NFIC: variants seen among roughly 807,000 people sequenced by gnomAD.
The protein encoded by NFIC is nuclear factor 1 C-type.
Under a neutral mutation model 54.4 loss-of-function variants are expected in NFIC, and 12 were observed. That is an observed-to-expected ratio of 0.22 (90% CI 0.14 to 0.36). NFIC has a LOEUF of 0.36. Among genes scored for constraint, NFIC ranks in the 10% least tolerant of loss-of-function variants. The pLI, the probability that NFIC is intolerant of heterozygous loss-of-function variation, is 1.00. For synonymous variants in NFIC, 322 were observed against 319.2 expected, an observed-to-expected ratio of 1.01 and a Z score of -0.09; for missense variants, 575 against 718.2, an observed-to-expected ratio of 0.80 and a Z score of 2.28.
At chr19:3,404,914 G>C (rs999344284) in intron 2 of NFIC, among the ~76,000 whole-genome samples, 2 of 152,118 alleles carry the variant, frequency 1.3e-5, no homozygotes, top group Admixed American at 6.5e-5. Flanking sequence ...GCGGGCCCGA[G>C]ACCTGGGGGA....
chr19:3,416,281 T>C (rs997195024), intron 2 of NFIC, among the ~76,000 whole-genome samples: 3 of 149,728 alleles, frequency 2.0e-5, no homozygotes, highest in African/African-American at 7.3e-5. Context: ...TATATACCTA[T>C]ATATATTAAA....
Position 3,435,121 on chromosome 19 carries a change from T to C in NFIC, c.872T>C (p.Val291Ala). ...RHKSGSMEED[V>A]DTSPGGDYYT... is the part of the protein sequence containing the mutation. ...AAATCGGGCTCGATGGAGGAAGACG[T>C]GGACACGAGCCCTGGCGGCGATTAC... The change falls in exon 6 of 11, where the codon GTG becomes GCG. Residue 291 changes from valine to alanine, a missense_variant. Around this residue, in one of 3 missense-constraint regions of NFIC, gnomAD observed 447 missense variants for 526.9 expected, o/e 0.85. Transcript: ENST00000443272. The C allele has an allele frequency of 6.2e-7, 1 of 1,606,204 alleles. No individual in the cohort carries two copies. Among genetic ancestry groups the C allele is most frequent in the Non-Finnish European group, 8.5e-7 (1 of 1,176,776 alleles).
intron 6 of NFIC, among the ~76,000 whole-genome samples, chr19:3,442,762 C>T (rs1285901541): frequency 6.6e-6 from 1 of 151,942 alleles, no homozygotes; most frequent in East Asian, 1.9e-4. Flanking sequence ...TGGGTTCCAA[C>T]TCCACCTCCA....
At chr19:3,421,967 CTT>C (rs1001622961) in intron 2 of NFIC, among the ~76,000 whole-genome samples, 2 of 151,888 alleles carry the variant, frequency 1.3e-5, no homozygotes, top group African/African-American at 4.8e-5. Flanking sequence ...GAGTTTTGCT[CTT>C]GTTGCCCAGG....
rs994767782 is a variant in NFIC, at chr19:3,404,562, G to A, written c.563-20544G>A. On this transcript the variant is annotated intron_variant, in intron 2 of 10. Transcript: ENST00000443272. ...GCCCAGGGCCCAGTGGTGCCCCAGAGGCTCCCTTGTCACCTTCTCCTGGTG... is the reference window on the plus strand; with the variant it reads ...GCCCAGGGCCCAGTGGTGCCCCAGAAGCTCCCTTGTCACCTTCTCCTGGTG... Among the ~76,000 whole-genome samples, 38 of 152,018 alleles carry A rather than the reference G, an allele frequency of 2.5e-4. 1 individual carries two copies. The East Asian group carries it at 7.0e-3, about 28-fold the overall frequency.
chr19:3,417,942 C>CTTTTCTTCCAGTTTTTCA (rs56388025), intron 2 of NFIC, among the ~76,000 whole-genome samples: 2 of 150,710 alleles, frequency 1.3e-5, no homozygotes, highest in Non-Finnish European at 3.0e-5. Context: ...CCGGCCACCT[C>CTTTTCTTCCAGTTTTTCA]TGGAAGCAGC....
chr19:3,404,449 G>A (rs972888924), intron 2 of NFIC, among the ~76,000 whole-genome samples: 6 of 152,172 alleles, frequency 3.9e-5, no homozygotes, highest in Non-Finnish European at 7.4e-5. Context: ...CTGGGTGGCC[G>A]TGCGCGGGTG....
At chr19:3,437,647 AAG>A (rs747080483) in intron 6 of NFIC, among the ~76,000 whole-genome samples, 23,518 of 118,636 alleles carry the variant, frequency 0.2, 2,615 homozygotes, top group East Asian at 0.61. Flanking sequence ...AAAAAAAAAA[AAG>A]AAAAAAAAAG....
chr19:3,404,636 C>T (rs947171474), intron 2 of NFIC, among the ~76,000 whole-genome samples: 5 of 151,994 alleles, frequency 3.3e-5, no homozygotes, highest in Non-Finnish European at 5.9e-5. Flanking sequence ...GTGCCCGAGG[C>T]CGGTGCCAGC....
At chr19:3,460,093 C>T (rs1314788909) in intron 10 of NFIC, among the ~76,000 whole-genome samples, 4 of 152,226 alleles carry the variant, frequency 2.6e-5, no homozygotes, top group African/African-American at 9.7e-5. Flanking sequence ...ACCTTGGGTA[C>T]AGCCCCATGC....
chr19:3,379,673 C>CTTTTTTTTTTTTTTTTTTT (rs370082450), intron 1 of NFIC, among the ~76,000 whole-genome samples: 65 of 102,524 alleles, frequency 6.3e-4, no homozygotes, highest in African/African-American at 1.2e-3. Flanking sequence ...TTATTTCTTT[C>CTTTTTTTTTTTTTTTTTTT]TTTTTTTTTT....
At chr19:3,397,626 C>T (rs927873731) in intron 2 of NFIC, among the ~76,000 whole-genome samples, 3 of 152,206 alleles carry the variant, frequency 2.0e-5, no homozygotes, top group South Asian at 2.1e-4. Flanking sequence ...CCCGGCCTTG[C>T]GAGTCTCCTC....
rs56081730 is a variant in NFIC at position 3,370,696 on chromosome 19, G to GTCTCTCTC, written c.30+4035_30+4036insCTCTCTCT. Among the ~76,000 whole-genome samples the GTCTCTCTC allele has an allele frequency of 1.1e-4, 16 of 150,194 alleles. No individual in the cohort carries two copies. Among genetic ancestry groups the GTCTCTCTC allele is most frequent in the African/African-American group, 3.9e-4 (16 of 40,586 alleles). ...CTGTTCCTCTTCTTTCTCTCTGTCT[G>GTCTCTCTC]TCTCTTTCTTTCTCCCTCCCTTCCT... On this transcript the variant is annotated intron_variant, in intron 1 of 10. Transcript: ENST00000443272. This position sits in a 1 kb window ranked among gnomAD's most constrained non-coding sequence, Gnocchi z 5.2.
intron 6 of NFIC, among the ~76,000 whole-genome samples, chr19:3,443,063 G>A (rs1408893964): frequency 2.0e-5 from 3 of 152,206 alleles, no homozygotes; most frequent in South Asian, 4.1e-4. Flanking sequence ...GCAGTGCCCA[G>A]GACAGCCCCT....
At chr19:3,416,826 AT>A in intron 2 of NFIC, among the ~76,000 whole-genome samples, 1 of 143,738 alleles carries the variant, frequency 7.0e-6, no homozygotes, top group Non-Finnish European at 1.5e-5. Context: ...CCCATCCTAC[AT>A]TTTTTTAAAA....
intron 1 of NFIC, 115 bp downstream of exon 1, chr19:3,366,781 C>G: frequency 1.4e-6 from 1 of 718,242 alleles, no homozygotes; most frequent in Non-Finnish European, 2.1e-6. Context: ...CCCGCCATCC[C>G]TGCCCGGGAT....
chr19:3,457,429 C>T (rs149758190), intron 10 of NFIC, among the ~76,000 whole-genome samples: 4,301 of 152,094 alleles, frequency 0.028, 84 homozygotes, highest in Non-Finnish European at 0.044. Context: ...TAGCCCCAGG[C>T]CCAGGTGTCC....
chr19:3,366,966 C>CT (rs922764822), intron 1 of NFIC, among the ~76,000 whole-genome samples: 1 of 149,148 alleles, frequency 6.7e-6, no homozygotes, highest in African/African-American at 2.5e-5. Flanking sequence ...GCGTCCCCCC[C>CT]CCACACACCG....
chr19:3,463,357 C>T lies in NFIC; in HGVS notation c.*588C>T, dbSNP rs888732762. On this transcript the variant is annotated 3_prime_UTR_variant, in exon 11 of 11. Coordinates refer to ENST00000443272, the MANE Select transcript of NFIC (RefSeq NM_001245002.2). ...TGGGGGGAAAGGGAGACACAGCGGA[C>T]CCCGGCCGGGCAGCGGAGACCGCAG... 1.1e-5 allele frequency: 11 copies of T among 986,238 alleles called. No individual in the cohort carries two copies. The Admixed American group carries it at 5.5e-4, about 50-fold the overall frequency. The allele number at this position is 986,238 out of a possible 1,614,324, so 61.1% of individuals were successfully genotyped here.
Sources: allele counts gnomAD v4.1 joint callset (sites outside exome capture counted in the v4.1 genomes callset), GRCh38; gene constraint gnomAD v4.1.1; regional missense constraint gnomAD v4.1.1; non-coding constraint Gnocchi (gnomAD v3.1); transcripts MANE v1.5; gene names NCBI Gene and HGNC (gene_info 2026-07-23, HGNC 2026-07-21).